Variants in MACROD2 observed in about 807,000 individuals in gnomAD.
MACROD2 encodes the protein mono-ADP ribosylhydrolase 2.
Under a neutral mutation model 70.4 loss-of-function variants are expected in MACROD2, and 36 were observed. The observed-to-expected ratio is 0.51, with a 90% CI of 0.39 to 0.68. The LOEUF (loss-of-function observed/expected upper bound fraction) is 0.68, where lower values mean the gene tolerates loss of function less well. Ranked by LOEUF, MACROD2 falls within the 30% of genes least tolerant of loss-of-function variation. The pLI is 0.00. For missense variants in MACROD2, 496 were observed against 538.4 expected (o/e 0.92, Z 0.78); for synonymous variants, 172 against 178.8 (o/e 0.96, Z 0.30).
At chr20:14,328,689 G>A (rs1229090133) in intron 3 of MACROD2, among the ~76,000 whole-genome samples, 5 of 152,054 alleles carry the variant, frequency 3.3e-5, no homozygotes, top group African/African-American at 1.2e-4. Context: ...CCTTGGAAAT[G>A]TTCTTCACCG....
At chr20:15,427,276 C>T (rs562054572) in intron 6 of MACROD2, among the ~76,000 whole-genome samples, 1 of 152,158 alleles carries the variant, frequency 6.6e-6, no homozygotes, top group Non-Finnish European at 1.5e-5. Context: ...CTTGTTAAAA[C>T]AGACAAGGCA....
At chr20:15,386,719 G>A (rs1203326458) in intron 6 of MACROD2, among the ~76,000 whole-genome samples, 3 of 152,160 alleles carry the variant, frequency 2.0e-5, no homozygotes, top group African/African-American at 4.8e-5. Context: ...TTCCAGGGGT[G>A]GGCCTAACAC....
chr20:14,600,327 C>CATATGTATATATATATATATATATATAT (rs1982398463), intron 4 of MACROD2, among the ~76,000 whole-genome samples: 1 of 128,750 alleles, frequency 7.8e-6, no homozygotes, highest in South Asian at 3.0e-4. Context: ...TATGCAGCTA[C>CATATGTATATATATATATATATATATAT]ATATATATAT....
At chr20:14,963,188 T>C (rs2074600127) in intron 5 of MACROD2, among the ~76,000 whole-genome samples, 1 of 152,138 alleles carries the variant, frequency 6.6e-6, no homozygotes, top group African/African-American at 2.4e-5. Flanking sequence ...GTAGAGATTA[T>C]TGAGTACCGT....
At chr20:14,359,189 AAAAC>A (rs112223216) in intron 3 of MACROD2, among the ~76,000 whole-genome samples, 14 of 152,008 alleles carry the variant, frequency 9.2e-5, no homozygotes, top group South Asian at 2.1e-4. Flanking sequence ...CTCTGTCTCA[AAAAC>A]AAACAAACAA....
chr20:14,535,394 A>G (rs2085351326), intron 4 of MACROD2, among the ~76,000 whole-genome samples: 1 of 149,372 alleles, frequency 6.7e-6, no homozygotes, highest in Non-Finnish European at 1.5e-5. Flanking sequence ...AATCCCAGCT[A>G]CTCCGAAGGC....
chr20:15,134,953 A>G (rs2076135359), intron 5 of MACROD2, among the ~76,000 whole-genome samples: 1 of 152,204 alleles, frequency 6.6e-6, no homozygotes, highest in Non-Finnish European at 1.5e-5. Context: ...CAAATAAACT[A>G]GAAAATCTAG....
chr20:14,123,856 T>C (rs1187939062), intron 3 of MACROD2, among the ~76,000 whole-genome samples: 2 of 152,090 alleles, frequency 1.3e-5, no homozygotes, highest in Non-Finnish European at 2.9e-5. Flanking sequence ...GTGGTAAAAT[T>C]CCCCTGAAAT....
chr20:15,939,418 C>T (rs1406292915), intron 12 of MACROD2, among the ~76,000 whole-genome samples: 2 of 152,134 alleles, frequency 1.3e-5, no homozygotes, highest in South Asian at 4.1e-4. Context: ...TCTACCCCAC[C>T]TGTGCTCTGT....
At chr20:15,133,184 A>AT (rs2076119365) in intron 5 of MACROD2, among the ~76,000 whole-genome samples, 1 of 152,134 alleles carries the variant, frequency 6.6e-6, no homozygotes, top group African/African-American at 2.4e-5. Context: ...TTATAAAGAA[A>AT]AGATCAATAA....
chr20:15,048,127 T>TAAATAAATAAATAAATAAA (rs1568548423), intron 5 of MACROD2, among the ~76,000 whole-genome samples: 1 of 117,810 alleles, frequency 8.5e-6, no homozygotes, highest in Non-Finnish European at 2.0e-5. Context: ...TAATAAAAAA[T>TAAATAAATAAATAAATAAA]TAGCCAGGTG....
intron 8 of MACROD2, among the ~76,000 whole-genome samples, chr20:15,845,013 C>A (rs2064214605): frequency 6.6e-6 from 1 of 152,124 alleles, no homozygotes; most frequent in African/African-American, 2.4e-5. Context: ...CACTTCATGG[C>A]AGTCTTTCAC....
At chr20:15,368,516 C>T (rs535173258) in intron 6 of MACROD2, among the ~76,000 whole-genome samples, 1 of 147,632 alleles carries the variant, frequency 6.8e-6, no homozygotes, top group Non-Finnish European at 1.5e-5. Flanking sequence ...GGCTGGAGTG[C>T]AGTGGCATGA....
At chr20:14,784,465 A>G (rs1031685716) in intron 5 of MACROD2, among the ~76,000 whole-genome samples, 1 of 152,054 alleles carries the variant, frequency 6.6e-6, no homozygotes, top group Non-Finnish European at 1.5e-5. Context: ...AGCACTTCTC[A>G]TAATCTGACC....
At chr20:14,262,968 T>C (rs2082112867) in intron 3 of MACROD2, among the ~76,000 whole-genome samples, 1 of 152,138 alleles carries the variant, frequency 6.6e-6, no homozygotes, top group African/African-American at 2.4e-5. Flanking sequence ...TTAGTTTGGA[T>C]TGTAAGATGG....
rs73101225 is a variant in MACROD2 at position 15,265,324 on chromosome 20, C to T, written c.540+35263C>T. On this transcript the variant is annotated intron_variant, in intron 6 of 17. Transcript: ENST00000684519. ...GGAGTATTTGAGCATCAAAATGGGA[C>T]TGTGAAAAGGAAATGCATTATCTGA... Among the ~76,000 whole-genome samples the T allele has an allele frequency of 9.5e-3, 1,441 of 152,248 alleles. 9 individuals are homozygous for T. The highest frequency in any genetic ancestry group is 0.037 in the Middle Eastern group (11 of 294).
intron 4 of MACROD2, among the ~76,000 whole-genome samples, chr20:14,501,267 C>A (rs2123123097): frequency 6.6e-6 from 1 of 151,978 alleles, no homozygotes; most frequent in East Asian, 1.9e-4. Flanking sequence ...AATTTACATT[C>A]TACAGATCAC....
intron 7 of MACROD2, among the ~76,000 whole-genome samples, chr20:15,483,809 A>G (rs1057450118): frequency 2.6e-5 from 4 of 151,798 alleles, no homozygotes; most frequent in African/African-American, 9.7e-5. Context: ...TAAGTATTTC[A>G]TTTTCAGGTA....
At chr20:15,055,347 A>G (rs1233669260) in intron 5 of MACROD2, among the ~76,000 whole-genome samples, 1 of 152,168 alleles carries the variant, frequency 6.6e-6, no homozygotes, top group African/African-American at 2.4e-5. Flanking sequence ...CCTGGTTTTT[A>G]ATTCCAATCC....
Sources: gnomAD v4.1 joint callset for allele counts (sites outside exome capture counted in the v4.1 genomes callset) on GRCh38, gnomAD v4.1.1 for gene constraint, MANE v1.5 for transcripts, NCBI Gene and HGNC (gene_info 2026-07-23, HGNC 2026-07-21) for gene names.